A2M: variants seen among roughly 807,000 people sequenced by gnomAD.
A2M encodes the protein C3 and PZP-like alpha-2-macroglobulin domain-containing protein 5.
A2M carries 128 observed loss-of-function variants against 183.9 expected under a neutral mutation model. The ratio of observed to expected loss-of-function variants is 0.70; its 90% CI spans 0.60 to 0.81. A2M has a LOEUF of 0.81. Among genes scored for constraint, A2M ranks in the 30% least tolerant of loss-of-function variants. The pLI is 0.00. For synonymous variants in A2M, 592 were observed against 670.8 expected (o/e 0.88, Z 1.81); for missense variants, 1,495 against 1,787.6 (o/e 0.84, Z 2.95).
intron 33 of A2M, among the ~76,000 whole-genome samples, chr12:9,069,294 A>C (rs761712013): frequency 1.3e-5 from 2 of 152,314 alleles, no homozygotes; most frequent in South Asian, 4.1e-4. Context: ...CTCCTACCAC[A>C]CATATCTATA....
In A2M at chr12:9,074,598, T is replaced by A. The variant is rs1948681236; in HGVS notation, c.3718A>T (p.Lys1240Ter). 2 of 1,613,578 alleles carry A rather than the reference T, an allele frequency of 1.2e-6. No individual in the cohort carries two copies. The highest frequency in any genetic ancestry group is 1.7e-6 in the Non-Finnish European group (2 of 1,179,804). The change falls in exon 29 of 36, where the codon AAG becomes TAG. Residue 1240 changes from lysine (K) to a stop codon, truncating the protein, a stop_gained. Transcript: ENST00000318602. LOFTEE classifies it high-confidence loss of function. ...SATNIVKWIT[K>*]QQNAQGGFSS... is the part of the protein sequence containing the mutation. Reference sequence around the variant, plus strand: ...AAACCGCCCTGGGCATTCTGCTGCTTCGTGATCCACTTCACGATGTTGGTT... The same window carrying A: ...AAACCGCCCTGGGCATTCTGCTGCTACGTGATCCACTTCACGATGTTGGTT...
At chr12:9,112,040 C>T (rs1938767678) in intron 4 of A2M, 119 bp downstream of exon 4, 1 of 943,422 alleles carries the variant, frequency 1.1e-6, no homozygotes, top group Non-Finnish European at 1.8e-6. Context: ...GTTGTAATGC[C>T]AGAAGTTACT....
chr12:9,112,589 C>T, intron 2 of A2M, 53 bp from the exon 3 acceptor site: 1 of 1,600,688 alleles, frequency 6.2e-7, no homozygotes, highest in Non-Finnish European at 8.5e-7. Flanking sequence ...AGGTCTCCTC[C>T]CCTATTTGCT....
chr12:9,110,252 TAAG>T (rs1938622651), intron 5 of A2M, 59 bp downstream of exon 5: 1 of 1,324,706 alleles, frequency 7.5e-7, no homozygotes, highest in Admixed American at 2.4e-5. Context: ...ACCTCTGAAA[TAAG>T]AACATTTTCC....
chr12:9,105,071 G>T (rs1263832349), intron 10 of A2M, among the ~76,000 whole-genome samples: 1 of 152,114 alleles, frequency 6.6e-6, no homozygotes, highest in Non-Finnish European at 1.5e-5. Flanking sequence ...TAAATAAGTT[G>T]CCAAATCTAA....
chr12:9,108,168 C>A (rs1938449524), intron 7 of A2M, among the ~76,000 whole-genome samples: 1 of 151,844 alleles, frequency 6.6e-6, no homozygotes, highest in African/African-American at 2.4e-5. Flanking sequence ...CTCTGTCGCC[C>A]AGGCTGGAGT....
intron 22 of A2M, among the ~76,000 whole-genome samples, chr12:9,081,564 A>T (rs1318227326): frequency 6.6e-6 from 1 of 152,228 alleles, no homozygotes; most frequent in East Asian, 1.9e-4. Context: ...CAAGTCTAGG[A>T]CACCTACATT....
At chr12:9,091,922 A>G (rs1288085465) in intron 18 of A2M, among the ~76,000 whole-genome samples, 2 of 152,228 alleles carry the variant, frequency 1.3e-5, no homozygotes, top group African/African-American at 2.4e-5. Flanking sequence ...CTCTGATGCA[A>G]TTAGATTAGT....
intron 22 of A2M, among the ~76,000 whole-genome samples, chr12:9,083,876 A>G (rs1012822925): frequency 7.2e-5 from 11 of 152,156 alleles, no homozygotes; most frequent in Non-Finnish European, 1.5e-4. Context: ...TCACTAAGAC[A>G]CAATAATTAA....
rs1948685229 is a variant in A2M at position 9,074,677 on chromosome 12, G to A, written c.3639C>T (p.Leu1213=). Reference sequence around the variant, plus strand: ...CTGGCTGGGCCGTGAGATAAGCGAGGAGCACATAGGATGTCATCTCCACCT... The same window carrying A: ...CTGGCTGGGCCGTGAGATAAGCGAGAAGCACATAGGATGTCATCTCCACCT... ...SAEVEMTSYV[L]LAYLTAQPAP... The change falls in exon 29 of 36, where the codon CTC becomes CTT. Residue 1213 remains leucine, a synonymous_variant. Transcript: ENST00000318602. 3 of 1,613,904 alleles carry A rather than the reference G, an allele frequency of 1.9e-6. No homozygotes were observed. The South Asian group carries it at 3.3e-5, about 18-fold the overall frequency.
intron 11 of A2M, among the ~76,000 whole-genome samples, chr12:9,103,677 G>C (rs997535565): frequency 3.3e-5 from 5 of 152,106 alleles, no homozygotes; most frequent in Admixed American, 3.3e-4. Context: ...GTCTTTTTGT[G>C]ACTAGCTTAT....
At chr12:9,082,944 A>G (rs963846813) in intron 22 of A2M, among the ~76,000 whole-genome samples, 1 of 152,208 alleles carries the variant, frequency 6.6e-6, no homozygotes, top group African/African-American at 2.4e-5. Context: ...CAGTAATGGG[A>G]TGGCTGGGTC....
chr12:9,067,981 A>G, intron 35 of A2M, 142 bp from the exon 36 acceptor site: 1 of 979,322 alleles, frequency 1.0e-6, no homozygotes, highest in Non-Finnish European at 1.6e-6. Flanking sequence ...CCAAATCATT[A>G]CCCATAAGCA....
At chr12:9,106,100 A>T (rs941147700) in intron 10 of A2M, 136 bp downstream of exon 10, 1 of 543,568 alleles carries the variant, frequency 1.8e-6, no homozygotes, top group Non-Finnish European at 3.3e-6. Context: ...ATACTAATCA[A>T]GCCTTGGTGA....
intron 15 of A2M, among the ~76,000 whole-genome samples, chr12:9,096,860 A>T (rs1244781084): frequency 6.6e-6 from 1 of 152,212 alleles, no homozygotes; most frequent in East Asian, 1.9e-4. Context: ...TTATCTTTCC[A>T]GTAGCTCACT....
At position 9,079,669 on chromosome 12, in the gene A2M, T is replaced by G; in HGVS notation, c.3001A>C (p.Lys1001Gln). 1 of 1,613,640 alleles carries G rather than the reference T, an allele frequency of 6.2e-7. No individual in the cohort carries two copies. Among genetic ancestry groups the G allele is most frequent in the Non-Finnish European group, 8.5e-7 (1 of 1,179,690 alleles). The change falls in exon 24 of 36, where the codon AAG becomes CAG. Residue 1001 changes from lysine (K) to glutamine (Q), a missense_variant. By Grantham distance (53) the Lys-to-Gln change is moderately conservative. Coordinates refer to ENST00000318602, the MANE Select transcript of A2M (RefSeq NM_000014.6). Reference sequence around the variant, plus strand: ...TTGAGATAGCCAATGGCCTTGGACTTGATCTCTGGAGTAAGCTGCTGTGTT... The same window carrying G: ...TTGAGATAGCCAATGGCCTTGGACTGGATCTCTGGAGTAAGCTGCTGTGTT... ...NETQQLTPEI[K>Q]SKAIGYLNTG...
chr12:9,105,242 T>C (rs1938194280), intron 10 of A2M, among the ~76,000 whole-genome samples: 3 of 152,166 alleles, frequency 2.0e-5, no homozygotes, highest in Admixed American at 2.0e-4. Flanking sequence ...GCCAGTGAAA[T>C]GTTGGCTGCA....
chr12:9,091,115 T>C, intron 19 of A2M, 86 bp downstream of exon 19: 1 of 1,444,014 alleles, frequency 6.9e-7, no homozygotes, highest in Non-Finnish European at 9.6e-7. Flanking sequence ...ATATTTTGCA[T>C]ACAAGAGTTT....
In A2M at chr12:9,087,879, G is replaced by A. The variant is rs189475975; in HGVS notation, c.2770+1321C>T. Among the ~76,000 whole-genome samples, 881 of 152,104 alleles carry A rather than the reference G, an allele frequency of 5.8e-3. 8 individuals carry two copies. The highest frequency in any genetic ancestry group is 0.02 in the African/African-American group (812 of 41,516). On this transcript the variant is annotated intron_variant, in intron 22 of 35. Transcript: ENST00000318602. ...AATTTAACATTTTGGATCTACCCTA[G>A]CTGTACTTGCATATGTTCATTAAGA...
Sources: gnomAD v4.1 joint callset for allele counts (sites outside exome capture counted in the v4.1 genomes callset) on GRCh38, gnomAD v4.1.1 for gene constraint, MANE v1.5 for transcripts, NCBI Gene and HGNC (gene_info 2026-07-23, HGNC 2026-07-21) for gene names.